Variants in MTUS2 observed in about 807,000 individuals in gnomAD.
MTUS2 encodes microtubule associated scaffold protein 2.
Under a neutral mutation model 114.1 loss-of-function variants are expected in MTUS2, and 40 were observed. The ratio of observed to expected loss-of-function variants is 0.35; its 90% CI spans 0.27 to 0.46. MTUS2 has a LOEUF of 0.46. MTUS2 is among the 20% of genes least tolerant of loss of function. The pLI, the probability that MTUS2 is intolerant of heterozygous loss-of-function variation, is 1.00. For missense variants in MTUS2, 1,679 were observed against 1,705.4 expected, an observed-to-expected ratio of 0.98 and a Z score of 0.27; for synonymous variants, 688 against 672.0, an observed-to-expected ratio of 1.02 and a Z score of -0.37.
chr13:29,137,553 C>G (rs1485583816), intron 5 of MTUS2, among the ~76,000 whole-genome samples: 1 of 151,952 alleles, frequency 6.6e-6, no homozygotes, highest in Non-Finnish European at 1.5e-5. Flanking sequence ...CTTCTTCTTT[C>G]TTCTTTCTTC....
intron 9 of MTUS2, among the ~76,000 whole-genome samples, chr13:29,460,895 T>TAAA (rs778237549): frequency 7.2e-6 from 1 of 138,472 alleles, no homozygotes. Flanking sequence ...GTCAACAATC[T>TAAA]AAAAAAAAAA....
chr13:28,878,589 GTT>G, intron 2 of MTUS2, among the ~76,000 whole-genome samples: 1 of 152,056 alleles, frequency 6.6e-6, no homozygotes, highest in African/African-American at 2.4e-5. Context: ...GTGGTGTTTG[GTT>G]TTCTGTTCCT....
In MTUS2 at chr13:29,505,655, A is replaced by G. The variant is rs1167029563; in HGVS notation, c.*2449A>G. On this transcript the variant is annotated 3_prime_UTR_variant, in exon 16 of 16. Transcript: ENST00000612955. Reference sequence around the variant, plus strand: ...CCTTCCAGGCTGGAGCGACGTTTCCACGTTCGGATGCTGCAGCCTCTGCAC... The same window carrying G: ...CCTTCCAGGCTGGAGCGACGTTTCCGCGTTCGGATGCTGCAGCCTCTGCAC... 4.3e-6 allele frequency: 1 copy of G among 230,570 alleles called. No individual in the cohort carries two copies. Among genetic ancestry groups the G allele is most frequent in the Non-Finnish European group, 8.6e-6 (1 of 116,524 alleles). The allele number at this position is 230,570 out of a possible 1,614,324, so 14.3% of individuals were successfully genotyped here.
At chr13:28,846,591 C>T (rs1258818448) in intron 2 of MTUS2, among the ~76,000 whole-genome samples, 3 of 152,158 alleles carry the variant, frequency 2.0e-5, no homozygotes, top group South Asian at 2.1e-4. Context: ...ACTTACAGTG[C>T]GTTTTTAATA....
chr13:29,036,508 G>GTAGA (rs560038825), intron 4 of MTUS2, among the ~76,000 whole-genome samples: 130 of 152,306 alleles, frequency 8.5e-4, no homozygotes, highest in African/African-American at 3.0e-3. Context: ...GGAGAGTTCT[G>GTAGA]TAGATGTCTA....
rs1491216698 is a variant in MTUS2, at chr13:29,390,176, GTT to G, written c.3117+30705_3117+30706del. On this transcript the variant is annotated intron_variant, in intron 8 of 15. Coordinates refer to ENST00000612955, the MANE Select transcript of MTUS2 (RefSeq NM_001033602.4). ...CACACACACACTTGTGTGTGTGTGT[GTT>G]TATGAATATATATTTTTTCTAATGG... Among the ~76,000 whole-genome samples, 49 of 147,138 alleles carry G rather than the reference GTT, an allele frequency of 3.3e-4. 2 individuals are homozygous for G. Among genetic ancestry groups the G allele is most frequent in the Middle Eastern group, 7.2e-3 (2 of 278 alleles).
chr13:29,407,176 G>T (rs79592455), intron 8 of MTUS2, among the ~76,000 whole-genome samples: 6 of 152,254 alleles, frequency 3.9e-5, no homozygotes, highest in African/African-American at 1.2e-4. Context: ...AACACCAGAG[G>T]CAGGGGTTGC....
At chr13:29,127,575 A>G (rs1171931326) in intron 5 of MTUS2, among the ~76,000 whole-genome samples, 2 of 152,228 alleles carry the variant, frequency 1.3e-5, no homozygotes, top group African/African-American at 4.8e-5. Context: ...TCCACCCTGT[A>G]GGCTTGCACA....
chr13:28,886,965 G>T (rs1030864825), intron 2 of MTUS2, among the ~76,000 whole-genome samples: 1 of 152,224 alleles, frequency 6.6e-6, no homozygotes, highest in African/African-American at 2.4e-5. Context: ...TAGGAGGCCA[G>T]TGTCTCTGGA....
At chr13:29,200,421 T>C (rs540223068) in intron 5 of MTUS2, among the ~76,000 whole-genome samples, 4 of 152,208 alleles carry the variant, frequency 2.6e-5, no homozygotes, top group East Asian at 3.9e-4. Flanking sequence ...TAAGAACTTA[T>C]TTATTTCTGC....
At chr13:28,850,541 G>C (rs1211358461) in intron 2 of MTUS2, among the ~76,000 whole-genome samples, 2 of 152,176 alleles carry the variant, frequency 1.3e-5, no homozygotes, top group Non-Finnish European at 2.9e-5. Context: ...AGTGAGTTCT[G>C]ATCAACTCTA....
intron 8 of MTUS2, among the ~76,000 whole-genome samples, chr13:29,437,543 T>C (rs111412916): frequency 1.1e-3 from 171 of 152,324 alleles, no homozygotes; most frequent in African/African-American, 3.9e-3. Context: ...GAGTATGTAA[T>C]CCCTGTGATC....
At chr13:29,259,861 G>A (rs975719170) in intron 5 of MTUS2, among the ~76,000 whole-genome samples, 5 of 152,134 alleles carry the variant, frequency 3.3e-5, no homozygotes, top group African/African-American at 7.2e-5. Context: ...TACTCTATAC[G>A]TGATTTTTCA....
chr13:29,043,560 CTATGTCA>C (rs59368093), intron 4 of MTUS2, among the ~76,000 whole-genome samples: 5,805 of 151,590 alleles, frequency 0.038, 356 homozygotes, highest in African/African-American at 0.13. Flanking sequence ...TTATTGCAGT[CTATGTCA>C]TATGTCATTT....
intron 8 of MTUS2, among the ~76,000 whole-genome samples, chr13:29,393,724 G>A (rs1411392710): frequency 1.3e-5 from 2 of 152,138 alleles, no homozygotes; most frequent in Admixed American, 6.5e-5. Context: ...AGGTCCTGAC[G>A]ACATGTGCCC....
At chr13:28,874,929 A>T (rs1251995611) in intron 2 of MTUS2, among the ~76,000 whole-genome samples, 1 of 152,198 alleles carries the variant, frequency 6.6e-6, no homozygotes, top group Non-Finnish European at 1.5e-5. Context: ...TGAGAGAAGT[A>T]GGATCTCCTA....
chr13:29,181,659 G>T (rs1481600055), intron 5 of MTUS2, among the ~76,000 whole-genome samples: 2 of 151,476 alleles, frequency 1.3e-5, no homozygotes, highest in Non-Finnish European at 2.9e-5. Context: ...GGTTACCAGG[G>T]TTGTTTACTC....
intron 2 of MTUS2, among the ~76,000 whole-genome samples, chr13:28,989,647 G>C (rs1456823516): frequency 2.0e-5 from 3 of 152,190 alleles, no homozygotes; most frequent in Non-Finnish European, 4.4e-5. Flanking sequence ...CCCACAGGAG[G>C]CTGGATGGGG....
At chr13:28,873,941 C>T (rs1392041360) in intron 2 of MTUS2, among the ~76,000 whole-genome samples, 1 of 152,334 alleles carries the variant, frequency 6.6e-6, no homozygotes, top group East Asian at 1.9e-4. Context: ...TTATCCTGCT[C>T]TCTAATCAAC....
Sources: gnomAD v4.1 joint callset for allele counts (sites outside exome capture counted in the v4.1 genomes callset) on GRCh38, gnomAD v4.1.1 for gene constraint, MANE v1.5 for transcripts, NCBI Gene and HGNC (gene_info 2026-07-23, HGNC 2026-07-21) for gene names.